The following MRPL45 variants were observed in gnomAD, a reference collection of about 807,000 sequenced individuals.
MRPL45 encodes the protein mitochondrial ribosomal protein L45, also known as large ribosomal subunit protein mL45.
Under a neutral mutation model 38.1 loss-of-function variants are expected in MRPL45, and 20 were observed. The observed-to-expected ratio is 0.53, with a 90% confidence interval of 0.37 to 0.76. MRPL45 has a LOEUF of 0.76. Ranked by LOEUF, MRPL45 falls within the 30% of genes least tolerant of loss-of-function variation. MRPL45 has a pLI of 0.00. For missense variants in MRPL45, 337 were observed against 395.6 expected (o/e 0.85, Z 1.26); for synonymous variants, 105 against 128.8 (o/e 0.82, Z 1.25).
At chr17:38,312,984 G>T (rs1388605814) in intron 4 of MRPL45, among the ~76,000 whole-genome samples, 40 of 113,668 alleles carry the variant, frequency 3.5e-4, no homozygotes, top group African/African-American at 5.2e-4. Context: ...CTTTTTATTG[G>T]TTTTTTTTTT....
At chr17:38,311,929 A>C (rs1327186210) in intron 4 of MRPL45, among the ~76,000 whole-genome samples, 1 of 152,158 alleles carries the variant, frequency 6.6e-6, no homozygotes, top group African/African-American at 2.4e-5. Context: ...GGTACCTCAC[A>C]TAAGTGGAAT....
At chr17:38,300,666 G>T (rs1411144726) in intron 3 of MRPL45, among the ~76,000 whole-genome samples, 1 of 152,050 alleles carries the variant, frequency 6.6e-6, no homozygotes, top group Non-Finnish European at 1.5e-5. Flanking sequence ...GATTTTATTG[G>T]CTGGGTGCGG....
At chr17:38,298,007 G>C (rs1218433761) in intron 1 of MRPL45, among the ~76,000 whole-genome samples, 1 of 152,200 alleles carries the variant, frequency 6.6e-6, no homozygotes, top group East Asian at 1.9e-4. Flanking sequence ...TGCGGTGGGA[G>C]GATAGCTAGA....
At position 38,302,506 on chromosome 17, in the gene MRPL45, G is replaced by GTT. The variant is rs1187786944; in HGVS notation, c.362+3040_362+3041dup. Among the ~76,000 whole-genome samples, 161 of 39,048 alleles carry GTT rather than the reference G, an allele frequency of 4.1e-3. 4 individuals carry two copies. Among genetic ancestry groups the GTT allele is most frequent in the East Asian group, 9.3e-3 (5 of 536 alleles). 25.6% of individuals were successfully genotyped at this position (39,048 alleles called of 152,430 possible). ...CATCTCAAAAAAAAAAAAAAAAAAA[G>GTT]TTTGTTTTTTTTTTTTTTTTTTAGA... On this transcript the variant is annotated intron_variant, in intron 3 of 7. Coordinates refer to ENST00000613675, the MANE Select transcript of MRPL45 (RefSeq NM_032351.6).
chr17:38,313,527 C>G (rs1428737703), intron 4 of MRPL45, among the ~76,000 whole-genome samples: 1 of 149,962 alleles, frequency 6.7e-6, no homozygotes, highest in East Asian at 1.9e-4. Context: ...CAGCCTTTTT[C>G]TTTTTATAAT....
chr17:38,305,648 CTT>C (rs769373843), intron 3 of MRPL45, among the ~76,000 whole-genome samples: 1 of 136,238 alleles, frequency 7.3e-6, no homozygotes. Flanking sequence ...CCATGCCCAG[CTT>C]TTTTTTTTTT....
intron 3 of MRPL45, among the ~76,000 whole-genome samples, chr17:38,306,177 A>G (rs1339152349): frequency 6.6e-6 from 1 of 151,690 alleles, no homozygotes; most frequent in Admixed American, 6.6e-5. Flanking sequence ...TGGGAGGCCG[A>G]GGCGGGCGGA....
chr17:38,304,942 G>A (rs1349252850), intron 3 of MRPL45, among the ~76,000 whole-genome samples: 1 of 151,278 alleles, frequency 6.6e-6, no homozygotes, highest in African/African-American at 2.4e-5. Flanking sequence ...TGCCTCCTGG[G>A]TTCAAGTGAT....
intron 5 of MRPL45, among the ~76,000 whole-genome samples, chr17:38,319,703 A>G (rs1428041610): frequency 6.6e-6 from 1 of 152,118 alleles, no homozygotes; most frequent in Non-Finnish European, 1.5e-5. Flanking sequence ...ATCATGAGGG[A>G]TTTAACAAGA....
At position 38,300,031 on chromosome 17, in the gene MRPL45, C is replaced by T. The variant is rs574043270; in HGVS notation, c.362+563C>T. 6.6e-5 allele frequency among the ~76,000 whole-genome samples: 10 copies of T among 151,996 alleles called. No individual in the cohort carries two copies. The East Asian group carries it at 7.7e-4, about 12-fold the overall frequency. ...CTGGGATTACAGGTGAGAGCCACCA[C>T]GCCCAGCCCTTTATTTATTTATTTA... On this transcript the variant is annotated intron_variant, in intron 3 of 7. Transcript: ENST00000613675.
At chr17:38,318,827 CTTTTTTTTTTT>C (rs71138606) in intron 5 of MRPL45, 92 bp downstream of exon 5, 7 of 120,658 alleles carry the variant, frequency 5.8e-5, no homozygotes, top group South Asian at 5.4e-4. Flanking sequence ...CTTTTCTTTT[CTTTTTTTTTTT>C]TTTTTTGAGA....
chr17:38,302,517 T>G (rs1463601784), intron 3 of MRPL45, among the ~76,000 whole-genome samples: 6 of 146,506 alleles, frequency 4.1e-5, no homozygotes, highest in East Asian at 2.0e-4. Context: ...TTTGTTTTTT[T>G]TTTTTTTTTT....
intron 6 of MRPL45, among the ~76,000 whole-genome samples, chr17:38,321,676 A>G (rs1018792156): frequency 3.4e-5 from 5 of 146,830 alleles, no homozygotes; most frequent in Admixed American, 3.4e-4. Context: ...GGGCAACAGC[A>G]AGACTCCGTC....
intron 5 of MRPL45, among the ~76,000 whole-genome samples, chr17:38,318,998 T>A (rs1488021763): frequency 3.0e-5 from 1 of 33,530 alleles, no homozygotes. Context: ...CAGCTAATTT[T>A]TTATTTATTT....
chr17:38,307,529 G>A (rs1436837120), intron 4 of MRPL45, among the ~76,000 whole-genome samples: 1 of 151,694 alleles, frequency 6.6e-6, no homozygotes, highest in African/African-American at 2.4e-5. Flanking sequence ...TTTTTTTGTA[G>A]AGACAAGGTT....
intron 5 of MRPL45, 34 bp downstream of exon 5, chr17:38,318,769 A>C: frequency 6.8e-7 from 1 of 1,473,080 alleles, no homozygotes; most frequent in Non-Finnish European, 9.5e-7. Flanking sequence ...CTGTGGGGTG[A>C]CTGAGTGGGC....
At chr17:38,306,800 G>A (rs979316234) in intron 4 of MRPL45, among the ~76,000 whole-genome samples, 169 bp downstream of exon 4, 1 of 152,092 alleles carries the variant, frequency 6.6e-6, no homozygotes, top group African/African-American at 2.4e-5. Flanking sequence ...AGTGACTGAC[G>A]CTGTCTTTCA....
chr17:38,305,647 G>A (rs2037045930), intron 3 of MRPL45, among the ~76,000 whole-genome samples: 1 of 29,942 alleles, frequency 3.3e-5, no homozygotes, highest in Non-Finnish European at 5.6e-5. Flanking sequence ...ACCATGCCCA[G>A]CTTTTTTTTT....
intron 3 of MRPL45, among the ~76,000 whole-genome samples, chr17:38,300,171 C>T (rs1458056047): frequency 4.6e-5 from 7 of 152,038 alleles, no homozygotes; most frequent in Admixed American, 1.3e-4. Context: ...ACGCATGCCA[C>T]CACGCCCAGC....
Sources: gnomAD v4.1 joint callset for allele counts (sites outside exome capture counted in the v4.1 genomes callset) on GRCh38, gnomAD v4.1.1 for gene constraint, MANE v1.5 for transcripts, NCBI Gene and HGNC (gene_info 2026-07-23, HGNC 2026-07-21) for gene names.